The following CAMK1D variants were observed in gnomAD, a reference collection of about 807,000 sequenced individuals.
CAMK1D encodes calcium/calmodulin dependent protein kinase ID.
In CAMK1D, 9 loss-of-function variants were observed where a neutral mutation model predicts 47.7. That is an observed-to-expected ratio of 0.19 (90% CI 0.11 to 0.33). The LOEUF is 0.33. Ranked by LOEUF, CAMK1D falls within the 10% of genes least tolerant of loss-of-function variation. The pLI, the probability that CAMK1D is intolerant of heterozygous loss-of-function variation, is 1.00. For synonymous variants in CAMK1D, 184 were observed against 184.9 expected (o/e 0.99, Z 0.04); for missense variants, 291 against 488.7 (o/e 0.60, Z 3.81).
intron 1 of CAMK1D, among the ~76,000 whole-genome samples, chr10:12,364,449 G>A (rs1488342566): frequency 6.6e-6 from 1 of 151,758 alleles, no homozygotes; most frequent in African/African-American, 2.4e-5. Context: ...CATCATGTTA[G>A]CCAGGCTGGT....
chr10:12,479,401 G>A lies in CAMK1D; in HGVS notation c.93-73824G>A, dbSNP rs1312734802. Among the ~76,000 whole-genome samples, 5 of 152,242 alleles carry A rather than the reference G, an allele frequency of 3.3e-5. No individual in the cohort carries two copies. The East Asian group carries it at 9.6e-4, about 29-fold the overall frequency. On this transcript the variant is annotated intron_variant, in intron 1 of 10. Transcript: ENST00000619168. ...AGTAGAGATGGGGTTTCACCATGTTGGTCAGGCTGGTCTCGAACTCCTGAC... is the reference window on the plus strand; with the variant it reads ...AGTAGAGATGGGGTTTCACCATGTTAGTCAGGCTGGTCTCGAACTCCTGAC...
At chr10:12,399,738 T>C (rs1207910119) in intron 1 of CAMK1D, among the ~76,000 whole-genome samples, 1 of 152,202 alleles carries the variant, frequency 6.6e-6, no homozygotes, top group Non-Finnish European at 1.5e-5. Context: ...TTTTTGTTGG[T>C]GATTTTGCTG....
intron 1 of CAMK1D, among the ~76,000 whole-genome samples, chr10:12,516,398 C>G (rs891567083): frequency 6.6e-6 from 1 of 152,162 alleles, no homozygotes. Flanking sequence ...TGAGCCACCG[C>G]GCCCAGCCTC....
Position 12,507,958 on chromosome 10 carries a change from C to T in CAMK1D, c.93-45267C>T, listed in dbSNP as rs543148609. On this transcript the variant is annotated intron_variant, in intron 1 of 10. Transcript: ENST00000619168. ...CACACTTTCCAGGCCACATTGTTCC[C>T]AGATCTCTGAATGCCCTGGGAAGCT... Among the ~76,000 whole-genome samples, 13 of 152,288 alleles carry T rather than the reference C, an allele frequency of 8.5e-5. No homozygotes were observed. The South Asian group carries it at 2.7e-3, about 32-fold the overall frequency.
intron 1 of CAMK1D, among the ~76,000 whole-genome samples, chr10:12,539,476 G>A (rs1045371163): frequency 4.6e-5 from 7 of 152,284 alleles, no homozygotes; most frequent in African/African-American, 1.4e-4. Context: ...ATTCTGTCCC[G>A]TCGTTGCTTC....
chr10:12,679,815 G>A (rs540324150), intron 3 of CAMK1D, among the ~76,000 whole-genome samples: 4 of 152,026 alleles, frequency 2.6e-5, no homozygotes, highest in Admixed American at 6.6e-5. Flanking sequence ...GCACAGTCCC[G>A]CCCAGCACCC....
intron 1 of CAMK1D, among the ~76,000 whole-genome samples, chr10:12,511,641 A>G (rs983522508): frequency 1.3e-5 from 2 of 152,182 alleles, no homozygotes; most frequent in Non-Finnish European, 2.9e-5. Context: ...AAAAAACCAC[A>G]TATCTGGGTC....
At chr10:12,813,602 ATAGTTATT>A (rs1564581394) in intron 6 of CAMK1D, among the ~76,000 whole-genome samples, 2 of 152,262 alleles carry the variant, frequency 1.3e-5, no homozygotes, top group South Asian at 4.2e-4. Context: ...GGGGACTTCA[ATAGTTATT>A]TACCTTTGAT....
intron 1 of CAMK1D, among the ~76,000 whole-genome samples, chr10:12,390,976 C>T (rs1838703442): frequency 6.6e-6 from 1 of 152,032 alleles, no homozygotes; most frequent in Non-Finnish European, 1.5e-5. Context: ...CTAATGTGCT[C>T]AGAGTCCAGC....
chr10:12,744,800 A>G (rs1835590503), intron 3 of CAMK1D, among the ~76,000 whole-genome samples: 1 of 151,808 alleles, frequency 6.6e-6, no homozygotes. Context: ...ACTCACGAGG[A>G]TAAGGGAGAA....
intron 1 of CAMK1D, among the ~76,000 whole-genome samples, chr10:12,502,955 A>G (rs1834750399): frequency 6.6e-6 from 1 of 152,090 alleles, no homozygotes; most frequent in African/African-American, 2.4e-5. Flanking sequence ...CGTTCTCCCC[A>G]TTGGCACAGG....
intron 5 of CAMK1D, among the ~76,000 whole-genome samples, chr10:12,784,782 C>T (rs1431160037): frequency 6.6e-6 from 1 of 152,184 alleles, no homozygotes; most frequent in Middle Eastern, 3.2e-3. Flanking sequence ...TGACTTGTAG[C>T]CCAGTCGTGT....
chr10:12,427,967 A>C (rs1235608497), intron 1 of CAMK1D, among the ~76,000 whole-genome samples: 1 of 151,692 alleles, frequency 6.6e-6, no homozygotes, highest in Non-Finnish European at 1.5e-5. Flanking sequence ...TGGCCTGCCA[A>C]AGTGCTGGGA....
chr10:12,688,551 C>T (rs1235287412), intron 3 of CAMK1D, among the ~76,000 whole-genome samples: 2 of 152,006 alleles, frequency 1.3e-5, no homozygotes, highest in South Asian at 2.1e-4. Context: ...TCCTTGTGAA[C>T]CCTAAGATCC....
At chr10:12,599,132 C>T (rs1452983156) in intron 2 of CAMK1D, among the ~76,000 whole-genome samples, 1 of 152,102 alleles carries the variant, frequency 6.6e-6, no homozygotes, top group Non-Finnish European at 1.5e-5. Context: ...TAATGATCAT[C>T]ATTATTTGTT....
At position 12,595,300 on chromosome 10, in the gene CAMK1D, C is replaced by A. The variant is rs529929440; in HGVS notation, c.224+41944C>A. 3.9e-5 allele frequency among the ~76,000 whole-genome samples: 5 copies of A among 129,364 alleles called. 1 individual carries two copies. In the South Asian group the frequency reaches 1.3e-3, roughly 33 times the overall value. The allele number at this position is 129,364 out of a possible 152,430, so 84.9% of individuals were successfully genotyped here. A position where few individuals can be genotyped will look rare whatever the true frequency, so the allele number is the denominator to read the frequency against. ...GAGGTTGCAATGAGCCGAGATCACACCATTGCACTCTGGCCTGGGCAACAA... is the reference window on the plus strand; with the variant it reads ...GAGGTTGCAATGAGCCGAGATCACAACATTGCACTCTGGCCTGGGCAACAA... On this transcript the variant is annotated intron_variant, in intron 2 of 10. Transcript: ENST00000619168.
At chr10:12,549,086 C>T (rs1836496150) in intron 1 of CAMK1D, among the ~76,000 whole-genome samples, 1 of 150,628 alleles carries the variant, frequency 6.6e-6, no homozygotes, top group Non-Finnish European at 1.5e-5. Context: ...AAAATCCTGA[C>T]CTCAAGTGGT....
chr10:12,570,008 T>C (rs1837272381), intron 2 of CAMK1D, among the ~76,000 whole-genome samples: 3 of 152,050 alleles, frequency 2.0e-5, no homozygotes, highest in Non-Finnish European at 4.4e-5. Context: ...GAGACCAGCC[T>C]GACCAATATG....
intron 1 of CAMK1D, among the ~76,000 whole-genome samples, chr10:12,466,827 T>TA (rs1833606041): frequency 6.6e-6 from 1 of 152,106 alleles, no homozygotes; most frequent in Admixed American, 6.6e-5. Context: ...CAGGGCTTCT[T>TA]ACACGAGCTG....
Sources: allele counts gnomAD v4.1 joint callset (sites outside exome capture counted in the v4.1 genomes callset), GRCh38; gene constraint gnomAD v4.1.1; transcripts MANE v1.5; gene names NCBI Gene and HGNC (gene_info 2026-07-23, HGNC 2026-07-21).